Variants in C19orf18 observed in about 807,000 individuals in gnomAD.
The protein encoded by C19orf18 is uncharacterized protein C19orf18.
C19orf18 carries 21 observed loss-of-function variants against 23.3 expected under a neutral mutation model. That is an observed-to-expected ratio of 0.90 (90% CI 0.64 to 1.30). The LOEUF is 1.30. C19orf18 is among the 50% of genes most tolerant of loss of function. The pLI is 0.00. For synonymous variants in C19orf18, 96 were observed against 95.2 expected, an observed-to-expected ratio of 1.01 and a Z score of -0.05; for missense variants, 249 against 259.6, an observed-to-expected ratio of 0.96 and a Z score of 0.28.
intron 5 of C19orf18, among the ~76,000 whole-genome samples, chr19:57,959,907 C>T (rs2072853977): frequency 2.6e-5 from 4 of 151,118 alleles, no homozygotes; most frequent in Admixed American, 2.6e-4. Flanking sequence ...GTCAGGAGTT[C>T]GAGACCAGCC....
At chr19:57,966,329 T>C (rs571170799) in intron 4 of C19orf18, among the ~76,000 whole-genome samples, 2 of 152,138 alleles carry the variant, frequency 1.3e-5, no homozygotes, top group African/African-American at 4.8e-5. Context: ...TCCTGTGTCT[T>C]TCTTTCTTTT....
At chr19:57,972,533 G>T in intron 2 of C19orf18, 29 bp from the exon 3 acceptor site, 1 of 1,611,614 alleles carries the variant, frequency 6.2e-7, no homozygotes, top group Non-Finnish European at 8.5e-7. Context: ...GGATCAAAAA[G>T]AAGAGACTTT....
chr19:57,972,787 T>C (rs187704590), intron 2 of C19orf18, among the ~76,000 whole-genome samples: 1 of 152,156 alleles, frequency 6.6e-6, no homozygotes, highest in African/African-American at 2.4e-5. Flanking sequence ...GGTCTCCTTT[T>C]GCAGTCATAC....
rs1419368693 is a variant in C19orf18 at position 57,973,855 on chromosome 19, C to G, written c.226+244G>C. Among the ~76,000 whole-genome samples the G allele has an allele frequency of 3.3e-5, 5 of 151,966 alleles. No individual in the cohort carries two copies. In the South Asian group the frequency reaches 1.0e-3, roughly 31 times the overall value. On this transcript the variant is annotated intron_variant, in intron 2 of 5. Coordinates refer to ENST00000314391, the MANE Select transcript of C19orf18 (RefSeq NM_152474.5). ...CATACCTGTGTAATCTGGATGGGATCAAGGTTTTTGTGTGCGCTTATTAAA... is the reference window on the plus strand; with the variant it reads ...CATACCTGTGTAATCTGGATGGGATGAAGGTTTTTGTGTGCGCTTATTAAA...
chr19:57,966,592 T>C lies in C19orf18; in HGVS notation c.309A>G (p.Leu103=), dbSNP rs1568567469. Residue 103 remains leucine, a synonymous_variant, in exon 4 of 6, where the codon TTA becomes TTG. Coordinates refer to ENST00000314391, the MANE Select transcript of C19orf18 (RefSeq NM_152474.5). The part of the protein sequence containing the change: ...RHRPALVKVI[L]ISSVAFSIAL... ...CAATGCTGAAGGCTACGCTCGAAATTAAAATTACTTTAACAAGAGCAGGTC... is the reference window on the plus strand; with the variant it reads ...CAATGCTGAAGGCTACGCTCGAAATCAAAATTACTTTAACAAGAGCAGGTC... 1.2e-6 allele frequency: 2 copies of C among 1,613,286 alleles called. No homozygotes were observed. The highest frequency in any genetic ancestry group is 2.7e-5 in the African/African-American group (2 of 74,908).
At chr19:57,962,935 T>A (rs1200094522) in intron 4 of C19orf18, among the ~76,000 whole-genome samples, 1 of 152,074 alleles carries the variant, frequency 6.6e-6, no homozygotes, top group East Asian at 1.9e-4. Context: ...AGGAGCAAGA[T>A]TTGAGTGACA....
intron 4 of C19orf18, among the ~76,000 whole-genome samples, chr19:57,963,455 G>A (rs1320376378): frequency 1.3e-5 from 2 of 152,174 alleles, no homozygotes; most frequent in East Asian, 1.9e-4. Flanking sequence ...GGGAGCTTGA[G>A]TCAAAAGGAA....
chr19:57,969,545 A>G (rs1211207805), intron 3 of C19orf18, among the ~76,000 whole-genome samples: 2 of 123,360 alleles, frequency 1.6e-5, no homozygotes, highest in African/African-American at 6.2e-5. Context: ...ACAGAGTGAG[A>G]CTCTGTCTTA....
intron 3 of C19orf18, among the ~76,000 whole-genome samples, chr19:57,968,292 C>G (rs760819685): frequency 4.6e-5 from 7 of 152,212 alleles, no homozygotes; most frequent in Non-Finnish European, 1.0e-4. Flanking sequence ...AATATCCTCA[C>G]CTTTGGGGTT....
intron 3 of C19orf18, among the ~76,000 whole-genome samples, chr19:57,969,574 A>G (rs1400583868): frequency 7.3e-5 from 9 of 123,366 alleles, no homozygotes; most frequent in African/African-American, 2.4e-4. Context: ...CAGAAAAAAA[A>G]AAAAAAAAAA....
rs560735452 is a variant in C19orf18, at chr19:57,974,195, G to T, written c.130C>A (p.Arg44=). Reference sequence around the variant, plus strand: ...GTGATGTTTCTGGGTGGTTGTGACCGTTTACTGCCTTGAAAAGAAAACTTT... The same window carrying T: ...GTGATGTTTCTGGGTGGTTGTGACCTTTTACTGCCTTGAAAAGAAAACTTT... The part of the protein sequence containing the change: ...GNITGLPGSK[R]SQPPRNITKE... The change falls in exon 2 of 6, where the codon CGG becomes AGG. Residue 44 remains arginine (R), a synonymous_variant. Coordinates refer to ENST00000314391, the MANE Select transcript of C19orf18 (RefSeq NM_152474.5). 3 of 1,613,940 alleles carry T rather than the reference G, an allele frequency of 1.9e-6. No individual in the cohort carries two copies. The highest frequency in any genetic ancestry group is 2.5e-6 in the Non-Finnish European group (3 of 1,179,964).
intron 3 of C19orf18, among the ~76,000 whole-genome samples, chr19:57,967,733 C>T (rs183265965): frequency 4.2e-4 from 62 of 149,136 alleles, no homozygotes; most frequent in Non-Finnish European, 7.7e-4. Context: ...GCCTGGGTGA[C>T]GGGAATGAAA....
At position 57,961,484 on chromosome 19, in the gene C19orf18, A is replaced by G. The variant is rs1600204308; in HGVS notation, c.439T>C (p.Leu147=). The change falls in exon 5 of 6, where the codon TTA becomes CTA. Residue 147 remains leucine, a synonymous_variant. Transcript: ENST00000314391. ...TCTGAGCCCTCTTCTTCATCTCCTAATAACGGTATCCTGAGGTTCTTATAA... is the reference window on the plus strand; with the variant it reads ...TCTGAGCCCTCTTCTTCATCTCCTAGTAACGGTATCCTGAGGTTCTTATAA... ...SLYKNLRIPL[L]GDEEEGSEDE... is the part of the protein sequence containing the mutation. 3.7e-6 allele frequency: 6 copies of G among 1,614,134 alleles called. No homozygotes were observed. The East Asian group carries it at 1.3e-4, about 36-fold the overall frequency.
intron 3 of C19orf18, among the ~76,000 whole-genome samples, chr19:57,972,062 G>A (rs1191457190): frequency 6.6e-6 from 1 of 152,204 alleles, no homozygotes; most frequent in Non-Finnish European, 1.5e-5. Flanking sequence ...TCTGGGGCGG[G>A]AGCAGCAGCA....
intron 4 of C19orf18, among the ~76,000 whole-genome samples, chr19:57,964,168 A>G (rs887526522): frequency 6.6e-6 from 1 of 152,234 alleles, no homozygotes; most frequent in East Asian, 1.9e-4. Context: ...TGACTAGCTC[A>G]GCAACTCAAT....
At chr19:57,971,092 C>T (rs530956166) in intron 3 of C19orf18, among the ~76,000 whole-genome samples, 16 of 152,252 alleles carry the variant, frequency 1.1e-4, no homozygotes, top group African/African-American at 3.9e-4. Context: ...CATAGCTGAG[C>T]TTTAGGAAGA....
intron 5 of C19orf18, 75 bp from the exon 6 acceptor site, chr19:57,958,792 A>C: frequency 1.3e-6 from 1 of 771,140 alleles, no homozygotes; most frequent in African/African-American, 1.8e-5. Context: ...GGTGAGGGAA[A>C]AAGCCTGGAA....
chr19:57,972,438 C>T (rs376354741), intron 3 of C19orf18, 25 bp downstream of exon 3: 160 of 1,612,920 alleles, frequency 9.9e-5, no homozygotes, highest in Middle Eastern at 3.3e-4. Flanking sequence ...CGGGTCCACC[C>T]GCCCTCCCAG....
chr19:57,972,558 T>A, intron 2 of C19orf18, 54 bp from the exon 3 acceptor site: 12 of 1,584,006 alleles, frequency 7.6e-6, no homozygotes, highest in Non-Finnish European at 8.6e-6. Context: ...TGGTTTAAGA[T>A]GAACTTGGGA....
Sources: allele counts gnomAD v4.1 joint callset (sites outside exome capture counted in the v4.1 genomes callset), GRCh38; gene constraint gnomAD v4.1.1; transcripts MANE v1.5; gene names NCBI Gene and HGNC (gene_info 2026-07-23, HGNC 2026-07-21).